FBRSL1: variants seen among roughly 807,000 people sequenced by gnomAD.
FBRSL1 encodes the protein fibrosin like 1, also known as fibrosin-1-like protein.
Under a neutral mutation model 89.6 loss-of-function variants are expected in FBRSL1, and 51 were observed. The observed-to-expected ratio is 0.57, with a 90% CI of 0.45 to 0.72. FBRSL1 has a LOEUF of 0.72. Ranked by LOEUF, FBRSL1 falls within the 30% of genes least tolerant of loss-of-function variation. The pLI is 0.00. For missense variants in FBRSL1, 1,618 were observed against 1,451.8 expected, an observed-to-expected ratio of 1.11 and a Z score of -1.86; for synonymous variants, 779 against 681.1, an observed-to-expected ratio of 1.14 and a Z score of -2.24.
intron 5 of FBRSL1, among the ~76,000 whole-genome samples, chr12:132,561,240 G>A (rs898511774): frequency 2.6e-4 from 39 of 151,268 alleles, no homozygotes; most frequent in African/African-American, 9.2e-4. Context: ...CTAAGTGTAG[G>A]GCCCACTGTG....
intron 2 of FBRSL1, chr12:132,511,213 C>T: frequency 1.0e-6 from 1 of 985,490 alleles, no homozygotes. Flanking sequence ...GACTCTGCCT[C>T]CACCACCCCC....
At chr12:132,502,626 A>G (rs879386582) in intron 1 of FBRSL1, among the ~76,000 whole-genome samples, 83 of 151,900 alleles carry the variant, frequency 5.5e-4, no homozygotes, top group Non-Finnish European at 1.1e-3. Flanking sequence ...CTGGACTGGA[A>G]CCCTGGGATA....
chr12:132,525,131 C>T (rs1048937082), intron 2 of FBRSL1, among the ~76,000 whole-genome samples: 8 of 152,252 alleles, frequency 5.3e-5, no homozygotes, highest in African/African-American at 1.4e-4. Flanking sequence ...AACTGAGGCA[C>T]GGGGAGGCCG....
At chr12:132,522,934 G>A (rs138184826) in intron 2 of FBRSL1, among the ~76,000 whole-genome samples, 1 of 152,308 alleles carries the variant, frequency 6.6e-6, no homozygotes, top group South Asian at 2.1e-4. Flanking sequence ...CTCTAGGGGG[G>A]GCAGGGGCTT....
intron 2 of FBRSL1, among the ~76,000 whole-genome samples, chr12:132,524,503 G>A (rs543413119): frequency 4.9e-4 from 75 of 152,376 alleles, no homozygotes; most frequent in Middle Eastern, 6.8e-3. Context: ...TGGCTGAGCC[G>A]AAGGTCGGCA....
Position 132,571,132 on chromosome 12 carries a change from G to A in FBRSL1, c.1278G>A (p.Leu426=). 7.3e-7 allele frequency: 1 copy of A among 1,377,744 alleles called. No homozygotes were observed. 85.3% of individuals were successfully genotyped at this position (1,377,744 alleles called of 1,614,324 possible). The change falls in exon 9 of 19, where the codon CTG becomes CTA. Residue 426 remains leucine (L), a synonymous_variant. Transcript: ENST00000680143. ...ATTGCCAGCCTCATTCGGGAATTCT[G>A]ATTGGTACTTGGTCACAGGCTCCTC... ...IMYCQPHSGI[L]IGTWSQAPLL...
At chr12:132,535,767 G>A (rs1438919872) in intron 4 of FBRSL1, among the ~76,000 whole-genome samples, 1 of 152,196 alleles carries the variant, frequency 6.6e-6, no homozygotes, top group Non-Finnish European at 1.5e-5. Context: ...GTACATGACA[G>A]TGTGAGTGCA....
chr12:132,521,758 G>A (rs1222789951), intron 2 of FBRSL1, among the ~76,000 whole-genome samples: 6 of 152,182 alleles, frequency 3.9e-5, no homozygotes, highest in Non-Finnish European at 8.8e-5. Context: ...CATTCCCACC[G>A]TGCCGTATGT....
At position 132,570,402 on chromosome 12, in the gene FBRSL1, C is replaced by G. The variant is rs1474049633; in HGVS notation, c.1075C>G (p.His359Asp). The part of the protein sequence containing the change: ...VSLSPHGPGP[H>D]LSTSHLALRS... ...GCTGTCGCCACACGGGCCGGGCCCCCACCTGTCTACCTCACACCTGGCGCT... is the reference window on the plus strand; with the variant it reads ...GCTGTCGCCACACGGGCCGGGCCCCGACCTGTCTACCTCACACCTGGCGCT... Residue 359 changes from histidine to aspartate, a missense_variant, in exon 8 of 19, where the codon CAC becomes GAC. By Grantham distance (81) the His-to-Asp change is moderately conservative (BLOSUM62 -1). Coordinates refer to ENST00000680143, the MANE Select transcript of FBRSL1 (RefSeq NM_001367871.1). The G allele has an allele frequency of 1.9e-5, 29 of 1,534,812 alleles. No individual in the cohort carries two copies. Among genetic ancestry groups the G allele is most frequent in the Non-Finnish European group, 2.5e-5 (29 of 1,145,764 alleles).
rs1403508932 is a variant in FBRSL1, at chr12:132,516,366, G to C, written c.489+8016G>C. Among the ~76,000 whole-genome samples, 3 of 152,100 alleles carry C rather than the reference G, an allele frequency of 2.0e-5. No homozygotes were observed. The East Asian group carries it at 5.8e-4, about 29-fold the overall frequency. Reference sequence around the variant, plus strand: ...CGCCCAGCTAATTTTTGTATTTTTAGTAGAGATAGGGTTTCACCATGTTGG... The same window carrying C: ...CGCCCAGCTAATTTTTGTATTTTTACTAGAGATAGGGTTTCACCATGTTGG... On this transcript the variant is annotated intron_variant, in intron 2 of 18. Coordinates refer to ENST00000680143, the MANE Select transcript of FBRSL1 (RefSeq NM_001367871.1).
intron 5 of FBRSL1, chr12:132,551,727 C>G: frequency 2.6e-6 from 1 of 379,210 alleles, no homozygotes; most frequent in Non-Finnish European, 5.5e-6. Context: ...CAGCCGCCCC[C>G]TCCCCTGGCC....
chr12:132,524,497 T>C (rs1389961653), intron 2 of FBRSL1, among the ~76,000 whole-genome samples: 1 of 152,258 alleles, frequency 6.6e-6, no homozygotes, highest in African/African-American at 2.4e-5. Context: ...GGCCTCTGGC[T>C]GAGCCGAAGG....
At chr12:132,522,620 C>T (rs924587305) in intron 2 of FBRSL1, among the ~76,000 whole-genome samples, 3 of 152,170 alleles carry the variant, frequency 2.0e-5, no homozygotes, top group Non-Finnish European at 4.4e-5. Flanking sequence ...AACTGACAGG[C>T]GCTCCATGCT....
At chr12:132,577,048 C>T in intron 15 of FBRSL1, 117 bp downstream of exon 15, 1 of 1,340,136 alleles carries the variant, frequency 7.5e-7, no homozygotes. Flanking sequence ...CCAGCCTTTG[C>T]TTCTTGATGC....
intron 4 of FBRSL1, among the ~76,000 whole-genome samples, chr12:132,532,364 G>A (rs781637116): frequency 4.6e-5 from 7 of 152,108 alleles, no homozygotes; most frequent in African/African-American, 7.2e-5. Context: ...CTCACCACTC[G>A]GCCATGCCCA....
intron 4 of FBRSL1, among the ~76,000 whole-genome samples, chr12:132,530,998 G>C (rs1213653424): frequency 6.7e-6 from 1 of 150,368 alleles, no homozygotes; most frequent in Non-Finnish European, 1.5e-5. Flanking sequence ...CCAGTGTGGG[G>C]GGGGGGGTGC....
Position 132,583,729 on chromosome 12 carries a change from C to T in FBRSL1, c.2960C>T (p.Ala987Val). The T allele has an allele frequency of 8.2e-7, 1 of 1,215,798 alleles. No homozygotes were observed. The highest frequency in any genetic ancestry group is 1.0e-6 in the Non-Finnish European group (1 of 977,736). The allele number at this position is 1,215,798 out of a possible 1,614,324, so 75.3% of individuals were successfully genotyped here. A position where few individuals can be genotyped will look rare whatever the true frequency, so the allele number is the denominator to read the frequency against. The change falls in exon 19 of 19, where the codon GCG becomes GTG. Residue 987 changes from alanine (A) to valine (V), a missense_variant. Transcript: ENST00000680143. ...TPLGGLGPGE[A>V]RDYSPSRNPP... ...CTGGGGGGCCTCGGGCCGGGCGAGG[C>T]GCGCGACTACTCCCCGTCCCGAAAT...
chr12:132,508,313 A>G lies in FBRSL1; in HGVS notation c.452A>G (p.Asp151Gly). 1 of 1,546,860 alleles carries G rather than the reference A, an allele frequency of 6.5e-7. No individual in the cohort carries two copies. Among genetic ancestry groups the G allele is most frequent in the African/African-American group, 1.4e-5 (1 of 73,078 alleles). Residue 151 changes from aspartate (D) to glycine (G), a missense_variant, in exon 2 of 19, where the codon GAT becomes GGT. Coordinates refer to ENST00000680143, the MANE Select transcript of FBRSL1 (RefSeq NM_001367871.1). Reference sequence around the variant, plus strand: ...GGGCAGGACCTCGAACCCGCCTGCGATGGGGCGAGAAAGGTCCCACTGCAG... The same window carrying G: ...GGGCAGGACCTCGAACCCGCCTGCGGTGGGGCGAGAAAGGTCCCACTGCAG... Reference protein sequence around the residue: ...SPGQDLEPACDGARKVPLQPS... With the variant: ...SPGQDLEPACGGARKVPLQPS...
chr12:132,531,675 C>T (rs543107136), intron 4 of FBRSL1, among the ~76,000 whole-genome samples: 14 of 149,754 alleles, frequency 9.3e-5, no homozygotes, highest in South Asian at 2.1e-4. Context: ...GTGTTGTGCA[C>T]GTGGCGTTGT....
Sources: allele counts gnomAD v4.1 joint callset (sites outside exome capture counted in the v4.1 genomes callset), GRCh38; gene constraint gnomAD v4.1.1; transcripts MANE v1.5; gene names NCBI Gene and HGNC (gene_info 2026-07-23, HGNC 2026-07-21).